The following TTF2 variants were observed in gnomAD, a reference collection of about 807,000 sequenced individuals.
The protein encoded by TTF2 is RNA polymerase II termination factor.
A neutral mutation model predicts 142.4 loss-of-function variants in TTF2; 108 were observed. The ratio of observed to expected loss-of-function variants is 0.76; its 90% confidence interval spans 0.65 to 0.89. The LOEUF is 0.89. Among genes scored for constraint, TTF2 ranks in the 40% least tolerant of loss-of-function variants. The pLI is 0.00. For missense variants in TTF2, 1,327 were observed against 1,379.8 expected (o/e 0.96, Z 0.61); for synonymous variants, 483 against 506.2 (o/e 0.95, Z 0.61).
At chr1:117,088,778 G>A (rs1359523177) in intron 12 of TTF2, 23 bp from the exon 13 acceptor site, 2 of 1,609,434 alleles carry the variant, frequency 1.2e-6, no homozygotes, top group Non-Finnish European at 1.7e-6. Context: ...ATTGTGGCTG[G>A]ATTTCACTTG....
intron 10 of TTF2, among the ~76,000 whole-genome samples, chr1:117,082,969 A>G (rs532445277): frequency 1.5e-3 from 233 of 152,306 alleles, no homozygotes; most frequent in African/African-American, 5.4e-3. Context: ...TGGGCCGGGC[A>G]TGGTGGCTCA....
rs910568014 is a variant in TTF2, at chr1:117,099,031, T to C, written c.3344+124T>C. ...GTGATGACTTTACTGATGATGCCCC[T>C]GAGGCATACCTTCAGGCAAACCACA... On this transcript the variant is annotated intron_variant, in intron 22 of 22. Transcript: ENST00000369466. The surrounding 1 kb of genome is among the most constrained non-coding windows in gnomAD (Gnocchi z 4.3). 2.0e-5 allele frequency: 17 copies of C among 866,010 alleles called. No individual in the cohort carries two copies. The highest frequency in any genetic ancestry group is 2.9e-5 in the Non-Finnish European group (17 of 590,526). The allele number at this position is 866,010 out of a possible 1,614,324, so 53.6% of individuals were successfully genotyped here.
intron 21 of TTF2, 129 bp from the exon 22 acceptor site, chr1:117,098,704 C>T (rs1243475928): frequency 5.4e-6 from 4 of 739,318 alleles, no homozygotes; most frequent in South Asian, 2.0e-5. Context: ...TTCTTAAATC[C>T]CTTTAAAACT....
chr1:117,084,868 A>G (rs1191388424), intron 11 of TTF2, among the ~76,000 whole-genome samples: 1 of 152,188 alleles, frequency 6.6e-6, no homozygotes, highest in Non-Finnish European at 1.5e-5. Flanking sequence ...CCCAGCCTCC[A>G]ATTTGGATAT....
In TTF2 at chr1:117,076,820, C is replaced by T. The variant is rs866639864; in HGVS notation, c.1570C>T (p.Arg524Ter). ...TGCTGGAGGATCCAGTCAGTGCTATCGAGGTAAGACCCAAGGGCCTGACCC... is the reference window on the plus strand; with the variant it reads ...TGCTGGAGGATCCAGTCAGTGCTATTGAGGTAAGACCCAAGGGCCTGACCC... ...VTAGGSSQCY[R>*]GHTNQDHVHA... Residue 524 changes from arginine (R) to a stop codon, truncating the protein, a stop_gained, in exon 7 of 23, where the codon CGA (arginine) becomes TGA (stop). Transcript: ENST00000369466. LOFTEE classifies it high-confidence loss of function. This position sits in a 1 kb window ranked among gnomAD's most constrained non-coding sequence, Gnocchi z 4.6. 5 of 1,611,252 alleles carry T rather than the reference C, an allele frequency of 3.1e-6. No homozygotes were observed. Among genetic ancestry groups the T allele is most frequent in the African/African-American group, 2.7e-5 (2 of 74,874 alleles).
At chr1:117,074,699 G>A (rs1253246871) in intron 4 of TTF2, among the ~76,000 whole-genome samples, 171 bp from the exon 5 acceptor site, 1 of 150,948 alleles carries the variant, frequency 6.6e-6, no homozygotes, top group African/African-American at 2.4e-5. Context: ...CATGGGTTAA[G>A]AAACTATCTA....
chr1:117,070,985 TAGAAAA>T lies in TTF2; in HGVS notation c.219-2671_219-2666del, dbSNP rs1344738983. On this transcript the variant is annotated intron_variant, in intron 3 of 22. Transcript: ENST00000369466. This position sits in a 1 kb window ranked among gnomAD's most constrained non-coding sequence, Gnocchi z 4.2. ...ACATCATGGGACTAATTTAGGAAGT[TAGAAAA>T]AGAACAATAAATTAAACTGAAGGAA... is the stretch of plus-strand genomic sequence containing the variant. 6.6e-6 allele frequency among the ~76,000 whole-genome samples: 1 copy of T among 151,968 alleles called. No homozygotes were observed. Among genetic ancestry groups the T allele is most frequent in the Non-Finnish European group, 1.5e-5 (1 of 67,992 alleles).
intron 12 of TTF2, 34 bp from the exon 13 acceptor site, chr1:117,088,767 T>C: frequency 6.2e-7 from 1 of 1,606,282 alleles, no homozygotes; most frequent in Admixed American, 1.7e-5. Context: ...CATTTTCCCA[T>C]ATTGTGGCTG....
In TTF2 at chr1:117,099,836, G is replaced by A. The variant is rs1347184346; in HGVS notation, c.3344+929G>A. ...CTGCACTGAAATTGCTCTTGTTAAG[G>A]GGCACCAATGACTTCCAGACTTTGC... is the stretch of plus-strand genomic sequence containing the variant. On this transcript the variant is annotated intron_variant, in intron 22 of 22. Transcript: ENST00000369466. The surrounding 1 kb of genome is among the most constrained non-coding windows in gnomAD (Gnocchi z 4.3). Among the ~76,000 whole-genome samples the A allele has an allele frequency of 6.6e-6, 1 of 152,132 alleles. No homozygotes were observed. Among genetic ancestry groups the A allele is most frequent in the African/African-American group, 2.4e-5 (1 of 41,412 alleles).
In TTF2 at chr1:117,076,566, C is replaced by G; in HGVS notation, c.1391-75C>G. 9 of 1,439,356 alleles carry G rather than the reference C, an allele frequency of 6.3e-6. No homozygotes were observed. Among genetic ancestry groups the G allele is most frequent in the Non-Finnish European group, 7.6e-6 (8 of 1,057,894 alleles). 89.2% of individuals were successfully genotyped at this position (1,439,356 alleles called of 1,614,324 possible). A position where few individuals can be genotyped will look rare whatever the true frequency, so the allele number is the denominator to read the frequency against. On this transcript the variant is annotated intron_variant, in intron 6 of 22. Coordinates refer to ENST00000369466, the MANE Select transcript of TTF2 (RefSeq NM_003594.4). This position sits in a 1 kb window ranked among gnomAD's most constrained non-coding sequence, Gnocchi z 4.6. ...AATGGTGATGATCCCTCTCTCTTGACCTCACCTCCACACATATGGTCCCTT... is the reference window on the plus strand; with the variant it reads ...AATGGTGATGATCCCTCTCTCTTGAGCTCACCTCCACACATATGGTCCCTT...
At chr1:117,072,658 C>T (rs1049159911) in intron 3 of TTF2, among the ~76,000 whole-genome samples, 22 of 152,080 alleles carry the variant, frequency 1.4e-4, no homozygotes, top group African/African-American at 4.8e-4. Flanking sequence ...CTCTTGATCT[C>T]GTGATCCGCC....
chr1:117,095,473 GCA>G, intron 19 of TTF2, 106 bp downstream of exon 19: 1 of 1,040,156 alleles, frequency 9.6e-7, no homozygotes, highest in South Asian at 1.4e-5. Context: ...TCAGCAGAAA[GCA>G]CTGAGGTTAT....
At position 117,101,588 on chromosome 1, in the gene TTF2, A is replaced by G; in HGVS notation, c.*64A>G. ...GTTTGTATTAGGATCTGGGAATAAC[A>G]ACCTAACCATGAGCCTTGAACTCTG... is the stretch of plus-strand genomic sequence containing the variant. On this transcript the variant is annotated 3_prime_UTR_variant, in exon 23 of 23. Transcript: ENST00000369466. This position sits in a 1 kb window ranked among gnomAD's most constrained non-coding sequence, Gnocchi z 5.9. The G allele has an allele frequency of 6.9e-7, 1 of 1,453,504 alleles. No homozygotes were observed. The highest frequency in any genetic ancestry group is 9.1e-7 in the Non-Finnish European group (1 of 1,101,448). The allele number at this position is 1,453,504 out of a possible 1,614,324, so 90.0% of individuals were successfully genotyped here.
rs1210475444 is a variant in TTF2 at position 117,103,316 on chromosome 1, A to T, written c.*1792A>T. ...CTGTGTTGTTTACATAGCAGTTTGT[A>T]CCCTAAACAAACACTTGAGATTTTA... is the stretch of plus-strand genomic sequence containing the variant. On this transcript the variant is annotated 3_prime_UTR_variant, in exon 23 of 23. Coordinates refer to ENST00000369466, the MANE Select transcript of TTF2 (RefSeq NM_003594.4). 6.6e-6 allele frequency: 1 copy of T among 152,090 alleles called. No homozygotes were observed. The highest frequency in any genetic ancestry group is 2.4e-5 in the African/African-American group (1 of 41,410). 9.4% of individuals were successfully genotyped at this position (152,090 alleles called of 1,614,324 possible). A position where few individuals can be genotyped will look rare whatever the true frequency, so the allele number is the denominator to read the frequency against.
chr1:117,081,201 G>A (rs1647479700), intron 9 of TTF2, among the ~76,000 whole-genome samples: 1 of 152,322 alleles, frequency 6.6e-6, no homozygotes, highest in Middle Eastern at 3.4e-3. Flanking sequence ...TTAAATCAGA[G>A]CCCATGCTCT....
rs1444288587 is a variant in TTF2 at position 117,104,828 on chromosome 1, A to G, written c.*3304A>G. On this transcript the variant is annotated 3_prime_UTR_variant, in exon 23 of 23. Transcript: ENST00000369466. ...GTTTGGTTTTTTTTGTTTTGTCCTCATGAGGCTTAGCATCTAAGGGAGACA... is the reference window on the plus strand; with the variant it reads ...GTTTGGTTTTTTTTGTTTTGTCCTCGTGAGGCTTAGCATCTAAGGGAGACA... 6.6e-6 allele frequency: 1 copy of G among 152,166 alleles called. No individual in the cohort carries two copies. The highest frequency in any genetic ancestry group is 1.9e-4 in the East Asian group (1 of 5,198). 9.4% of individuals were successfully genotyped at this position (152,166 alleles called of 1,614,324 possible). A position where few individuals can be genotyped will look rare whatever the true frequency, so the allele number is the denominator to read the frequency against.
Position 117,086,531 on chromosome 1 carries a change from G to T in TTF2, c.2160+9G>T, listed in dbSNP as rs201317581. The T allele has an allele frequency of 6.5e-5, 104 of 1,606,230 alleles. 1 individual carries two copies. The highest frequency in any genetic ancestry group is 1.8e-4 in the Admixed American group (11 of 59,746). ...CAAACCTCAATGTGGAGGTGAGGCT[G>T]GGGGGCAGCCAGGGAAGTGGAGTTG... On this transcript the variant is annotated intron_variant, in intron 12 of 22. Coordinates refer to ENST00000369466, the MANE Select transcript of TTF2 (RefSeq NM_003594.4). The surrounding 1 kb of genome is among the most constrained non-coding windows in gnomAD (Gnocchi z 4.2).
intron 18 of TTF2, 100 bp from the exon 19 acceptor site, chr1:117,095,209 G>A: frequency 1.8e-6 from 2 of 1,098,398 alleles, no homozygotes; most frequent in South Asian, 1.3e-5. Context: ...TGAGGCCAGA[G>A]CACAGACGCC....
rs1657059846 is a variant in TTF2, at chr1:117,076,937, T to C, written c.1573+114T>C. The C allele has an allele frequency of 4.9e-6, 5 of 1,010,230 alleles. No individual in the cohort carries two copies. The South Asian group carries it at 9.4e-5, about 19-fold the overall frequency. The allele number at this position is 1,010,230 out of a possible 1,614,324, so 62.6% of individuals were successfully genotyped here. On this transcript the variant is annotated intron_variant, in intron 7 of 22. Transcript: ENST00000369466. The surrounding 1 kb of genome is among the most constrained non-coding windows in gnomAD (Gnocchi z 4.6). ...TTCAGTTAACCTTAGTCACCTGTGG[T>C]TCAAAAAAAGGTGAGTACAGTACAG...
Sources: allele counts gnomAD v4.1 joint callset (sites outside exome capture counted in the v4.1 genomes callset), GRCh38; gene constraint gnomAD v4.1.1; non-coding constraint Gnocchi (gnomAD v3.1); transcripts MANE v1.5; gene names NCBI Gene and HGNC (gene_info 2026-07-23, HGNC 2026-07-21).